The following CDC45 variants were observed in gnomAD, a reference collection of about 807,000 sequenced individuals.
CDC45 encodes cell division control protein 45 homolog.
A neutral mutation model predicts 77.8 loss-of-function variants in CDC45; 54 were observed. That is an observed-to-expected ratio of 0.69 (90% CI 0.56 to 0.87). The LOEUF is 0.87. CDC45 is among the 40% of genes least tolerant of loss of function. CDC45 has a pLI of 0.00. For missense variants in CDC45, 649 were observed against 721.6 expected (o/e 0.90, Z 1.15); for synonymous variants, 260 against 272.1 (o/e 0.96, Z 0.44).
intron 4 of CDC45, among the ~76,000 whole-genome samples, 189 bp downstream of exon 4, chr22:19,483,016 C>T (rs1353412973): frequency 6.6e-6 from 1 of 151,212 alleles, no homozygotes; most frequent in African/African-American, 2.4e-5. Context: ...CTGGCACAAT[C>T]ATGGCTCACT....
intron 9 of CDC45, among the ~76,000 whole-genome samples, chr22:19,504,368 C>T (rs537491947): frequency 4.6e-5 from 7 of 152,296 alleles, no homozygotes; most frequent in East Asian, 3.9e-4. Context: ...GGCGCTGTCT[C>T]GGCTCATCGC....
In CDC45 at chr22:19,518,876, T is replaced by C. The variant is rs1252168557; in HGVS notation, c.1669T>C (p.Phe557Leu). 1.2e-6 allele frequency: 2 copies of C among 1,613,944 alleles called. No homozygotes were observed. Among genetic ancestry groups the C allele is most frequent in the Non-Finnish European group, 1.7e-6 (2 of 1,179,980 alleles). Residue 557 changes from phenylalanine to leucine, a missense_variant, in exon 18 of 19, where the codon TTT (phenylalanine) becomes CTT (leucine). Coordinates refer to ENST00000263201, the MANE Select transcript of CDC45 (RefSeq NM_003504.5). ...IELKAEDRSK[F>L]LDALISLLS is the part of the protein sequence containing the mutation. ...GCTGAAAGCTGAGGATCGGAGCAAG[T>C]TTCTGGACGCACTTATTTCCCTCCT...
chr22:19,496,242 G>C (rs2090240027), intron 7 of CDC45, among the ~76,000 whole-genome samples: 1 of 152,198 alleles, frequency 6.6e-6, no homozygotes, highest in Non-Finnish European at 1.5e-5. Flanking sequence ...TCATTTCAGA[G>C]GTAATTATTA....
At chr22:19,481,750 C>T (rs2089986771) in intron 3 of CDC45, among the ~76,000 whole-genome samples, 3 of 152,124 alleles carry the variant, frequency 2.0e-5, no homozygotes, top group South Asian at 4.1e-4. Context: ...TGGCTCACTG[C>T]AACCTCCGCC....
intron 12 of CDC45, 148 bp from the exon 13 acceptor site, chr22:19,508,382 T>A: frequency 2.4e-6 from 2 of 829,852 alleles, no homozygotes; most frequent in Non-Finnish European, 4.0e-6. Flanking sequence ...GTCTGGACGT[T>A]CTGACCTGCC....
chr22:19,515,455 G>A (rs939630638), intron 15 of CDC45, among the ~76,000 whole-genome samples: 3 of 152,160 alleles, frequency 2.0e-5, no homozygotes, highest in Admixed American at 6.5e-5. Context: ...GCGTTGGCGT[G>A]GAACACACTC....
Position 19,497,452 on chromosome 22 carries a change from G to C in CDC45, c.653+5G>C, listed in dbSNP as rs938305354. The C allele has an allele frequency of 6.2e-7, 1 of 1,613,036 alleles. No homozygotes were observed. Among genetic ancestry groups the C allele is most frequent in the Non-Finnish European group, 8.5e-7 (1 of 1,179,044 alleles). ...GGACCTGAATGACATGCTGTGGTACGTAGCCCCTGCGGCAGCTGTGTGGGA... is the reference window on the plus strand; with the variant it reads ...GGACCTGAATGACATGCTGTGGTACCTAGCCCCTGCGGCAGCTGTGTGGGA... On this transcript the variant is annotated splice_donor_5th_base_variant and intron_variant, in intron 8 of 18. Coordinates refer to ENST00000263201, the MANE Select transcript of CDC45 (RefSeq NM_003504.5).
intron 11 of CDC45, 50 bp downstream of exon 11, chr22:19,507,567 G>C (rs780473039): frequency 6.2e-7 from 1 of 1,608,662 alleles, no homozygotes; most frequent in Non-Finnish European, 8.5e-7. Context: ...CACCCCCAAG[G>C]GAAAAGCCCC....
rs199657805 is a variant in CDC45, at chr22:19,506,168, G to A, written c.824+687G>A. On this transcript the variant is annotated intron_variant, in intron 10 of 18. Transcript: ENST00000263201. Reference sequence around the variant, plus strand: ...GCTGTAAGCAGTCAGATAGCATGATGTCAGGGACGGAGCTGCCCTGTCTCT... The same window carrying A: ...GCTGTAAGCAGTCAGATAGCATGATATCAGGGACGGAGCTGCCCTGTCTCT... Among the ~76,000 whole-genome samples, 3 of 152,322 alleles carry A rather than the reference G, an allele frequency of 2.0e-5. No individual in the cohort carries two copies. The East Asian group carries it at 5.8e-4, about 29-fold the overall frequency.
At position 19,516,870 on chromosome 22, in the gene CDC45, T is replaced by G; in HGVS notation, c.1613T>G (p.Leu538Arg). The G allele has an allele frequency of 6.2e-7, 1 of 1,614,062 alleles. No individual in the cohort carries two copies. Among genetic ancestry groups the G allele is most frequent in the Non-Finnish European group, 8.5e-7 (1 of 1,179,920 alleles). Reference sequence around the variant, plus strand: ...GCGGAAAGCACCAGCTCCCGGATGCTGCACAACCATTTTGACCTCTCAGGT... The same window carrying G: ...GCGGAAAGCACCAGCTCCCGGATGCGGCACAACCATTTTGACCTCTCAGGT... ...KAAESTSSRM[L>R]HNHFDLSVIE... The change falls in exon 17 of 19, where the codon CTG becomes CGG. Residue 538 changes from leucine (L) to arginine (R), a missense_variant. Leu to Arg is a moderately radical substitution (Grantham distance 102). Coordinates refer to ENST00000263201, the MANE Select transcript of CDC45 (RefSeq NM_003504.5).
At chr22:19,496,801 G>A (rs2146374923) in intron 7 of CDC45, among the ~76,000 whole-genome samples, 1 of 152,270 alleles carries the variant, frequency 6.6e-6, no homozygotes, top group East Asian at 1.9e-4. Context: ...TCTTCCTCAA[G>A]GTCTTTTACC....
intron 9 of CDC45, among the ~76,000 whole-genome samples, chr22:19,500,343 G>A (rs1040448050): frequency 6.6e-6 from 1 of 152,122 alleles, no homozygotes; most frequent in Admixed American, 6.5e-5. Context: ...ATTAATGAGG[G>A]CAGGGGGAGG....
rs1860854970 is a variant in CDC45, at chr22:19,508,579, C to G, written c.1105C>G (p.His369Asp). The stretch of plus-strand genomic sequence containing the variant: ...TTTCAGCATTCATTTTGGGTTCAAG[C>G]ACAAGTTTCTGGCCAGCGACGTGGT... The part of the protein sequence containing the change: ...QTFSIHFGFK[H>D]KFLASDVVFA... The change falls in exon 13 of 19, where the codon CAC (histidine) becomes GAC (aspartate). Residue 369 changes from histidine (H) to aspartate (D), a missense_variant. Coordinates refer to ENST00000263201, the MANE Select transcript of CDC45 (RefSeq NM_003504.5). The G allele has an allele frequency of 6.2e-7, 1 of 1,614,124 alleles. No homozygotes were observed. The highest frequency in any genetic ancestry group is 1.3e-5 in the African/African-American group (1 of 74,952).
At chr22:19,480,261 T>A in intron 2 of CDC45, 44 bp downstream of exon 2, 1 of 1,573,582 alleles carries the variant, frequency 6.4e-7, no homozygotes, top group Non-Finnish European at 8.7e-7. Flanking sequence ...GCGCGCGAGG[T>A]GAGGGTGCTG....
chr22:19,501,038 A>G (rs1932883218), intron 9 of CDC45, among the ~76,000 whole-genome samples: 1 of 152,094 alleles, frequency 6.6e-6, no homozygotes, highest in Non-Finnish European at 1.5e-5. Context: ...TTAGCTGAAC[A>G]TGATGGCACA....
chr22:19,508,587 T>C lies in CDC45; in HGVS notation c.1113T>C (p.Phe371=), dbSNP rs765716232. The C allele has an allele frequency of 1.1e-5, 18 of 1,614,266 alleles. No individual in the cohort carries two copies. In the South Asian group the frequency reaches 1.4e-4, roughly 13 times the overall value. Residue 371 remains phenylalanine (F), a synonymous_variant, in exon 13 of 19, where the codon TTT becomes TTC. Transcript: ENST00000263201. The stretch of plus-strand genomic sequence containing the variant: ...TTCATTTTGGGTTCAAGCACAAGTT[T>C]CTGGCCAGCGACGTGGTCTTTGCCA... ...FSIHFGFKHK[F]LASDVVFATM... is the part of the protein sequence containing the mutation.
chr22:19,515,529 G>A (rs1264370431), intron 15 of CDC45, among the ~76,000 whole-genome samples: 1 of 152,194 alleles, frequency 6.6e-6, no homozygotes, highest in Non-Finnish European at 1.5e-5. Context: ...TCCCAGATGT[G>A]ACATGTCAAT....
At chr22:19,512,600 C>T (rs536148710) in intron 13 of CDC45, among the ~76,000 whole-genome samples, 1 of 152,298 alleles carries the variant, frequency 6.6e-6, no homozygotes, top group South Asian at 2.1e-4. Flanking sequence ...AGGCTTTAGA[C>T]ATTGTCTACC....
chr22:19,484,357 A>G (rs1568912977), intron 5 of CDC45, among the ~76,000 whole-genome samples: 1 of 152,210 alleles, frequency 6.6e-6, no homozygotes, highest in Non-Finnish European at 1.5e-5. Flanking sequence ...CTTACTATGC[A>G]GTCACTGCAG....
Sources: gnomAD v4.1 joint callset for allele counts (sites outside exome capture counted in the v4.1 genomes callset) on GRCh38, gnomAD v4.1.1 for gene constraint, MANE v1.5 for transcripts, NCBI Gene and HGNC (gene_info 2026-07-23, HGNC 2026-07-21) for gene names.